TPX2: variants seen among roughly 807,000 people sequenced by gnomAD.
The protein encoded by TPX2 is targeting protein for Xklp2.
TPX2 carries 21 observed loss-of-function variants against 93.6 expected under a neutral mutation model. That is an observed-to-expected ratio of 0.22 (90% CI 0.16 to 0.32). TPX2 has a LOEUF of 0.32. TPX2 is among the 10% of genes least tolerant of loss of function. TPX2 has a pLI of 1.00. For missense variants in TPX2, 776 were observed against 871.1 expected (o/e 0.89, Z 1.37); for synonymous variants, 281 against 298.3 (o/e 0.94, Z 0.60).
chr20:31,776,018 A>T, intron 8 of TPX2, 30 bp downstream of exon 8: 1 of 1,211,138 alleles, frequency 8.3e-7, no homozygotes, highest in Non-Finnish European at 1.1e-6. Flanking sequence ...AGTCTGATTC[A>T]TGAGGGGTGG....
intron 2 of TPX2, among the ~76,000 whole-genome samples, chr20:31,747,603 G>C (rs2061792100): frequency 6.6e-6 from 1 of 151,978 alleles, no homozygotes; most frequent in Admixed American, 6.6e-5. Flanking sequence ...TTTTTCCTTG[G>C]GTCTTTGTAG....
intron 5 of TPX2, among the ~76,000 whole-genome samples, chr20:31,767,174 TTA>T (rs2123013315): frequency 6.6e-6 from 1 of 152,278 alleles, no homozygotes; most frequent in African/African-American, 2.4e-5. Flanking sequence ...TGTATAACAT[TTA>T]TGAGTTGTAG....
chr20:31,777,452 T>G, intron 8 of TPX2, 35 bp from the exon 9 acceptor site: 1 of 1,601,626 alleles, frequency 6.2e-7, no homozygotes, highest in Non-Finnish European at 8.5e-7. Flanking sequence ...CCTATCTTAA[T>G]GTTGTCTGTA....
At chr20:31,779,771 G>A (rs529018544) in intron 10 of TPX2, among the ~76,000 whole-genome samples, 4 of 152,218 alleles carry the variant, frequency 2.6e-5, no homozygotes, top group Non-Finnish European at 5.9e-5. Flanking sequence ...GGGATACTTA[G>A]CACAGGTGGA....
intron 2 of TPX2, among the ~76,000 whole-genome samples, chr20:31,747,250 A>C (rs1012441113): frequency 6.6e-6 from 1 of 152,104 alleles, no homozygotes; most frequent in Non-Finnish European, 1.5e-5. Flanking sequence ...CCTCCCGAGT[A>C]GCTGGGATTA....
intron 4 of TPX2, among the ~76,000 whole-genome samples, chr20:31,765,252 G>A (rs1236978091): frequency 1.4e-5 from 2 of 139,198 alleles, no homozygotes; most frequent in African/African-American, 2.7e-5. Flanking sequence ...GAGGCCAGGA[G>A]TTTGAGACCA....
At chr20:31,743,763 G>C (rs900996419) in intron 2 of TPX2, among the ~76,000 whole-genome samples, 1 of 138,200 alleles carries the variant, frequency 7.2e-6, no homozygotes, top group Non-Finnish European at 1.5e-5. Flanking sequence ...TTTCGCTCTT[G>C]TTGCCCAGGC....
chr20:31,744,441 G>A (rs2061772192), intron 2 of TPX2, among the ~76,000 whole-genome samples: 1 of 151,972 alleles, frequency 6.6e-6, no homozygotes, highest in Non-Finnish European at 1.5e-5. Context: ...TGAGGCTTGA[G>A]CCACCACGCC....
intron 2 of TPX2, among the ~76,000 whole-genome samples, chr20:31,744,774 A>C (rs539228491): frequency 6.6e-6 from 1 of 152,236 alleles, no homozygotes; most frequent in Non-Finnish European, 1.5e-5. Flanking sequence ...TTACCAGTGA[A>C]ATTGCTGGTC....
At chr20:31,770,712 T>G (rs2061960055) in intron 6 of TPX2, among the ~76,000 whole-genome samples, 1 of 152,198 alleles carries the variant, frequency 6.6e-6, no homozygotes, top group Non-Finnish European at 1.5e-5. Flanking sequence ...GTTTTACCTC[T>G]TTTTGTTTTT....
intron 2 of TPX2, among the ~76,000 whole-genome samples, chr20:31,744,243 AC>A: frequency 6.9e-6 from 1 of 145,242 alleles, no homozygotes; most frequent in South Asian, 2.2e-4. Context: ...GCTCAATGCA[AC>A]CTCCGCCTCC....
chr20:31,755,384 A>G (rs2061845645), intron 2 of TPX2, among the ~76,000 whole-genome samples: 1 of 152,072 alleles, frequency 6.6e-6, no homozygotes. Flanking sequence ...GCGCCACACT[A>G]GAAAGGTATT....
At position 31,760,178 on chromosome 20, in the gene TPX2, A is replaced by G; in HGVS notation, c.228A>G (p.Pro76=). The change falls in exon 4 of 18, where the codon CCA becomes CCG. Residue 76 remains proline (P), a splice_region_variant and synonymous_variant. Coordinates refer to ENST00000300403, the MANE Select transcript of TPX2 (RefSeq NM_012112.5). ...AAGCTATTGTCACACCTTTGAAACCAGGTAAGAAAACATCTTAGAAAAAAG... is the reference window on the plus strand; with the variant it reads ...AAGCTATTGTCACACCTTTGAAACCGGGTAAGAAAACATCTTAGAAAAAAG... ...LQQAIVTPLK[P]VDNTYYKEAE... is the part of the protein sequence containing the mutation. 1 of 1,613,488 alleles carries G rather than the reference A, an allele frequency of 6.2e-7. No homozygotes were observed. The highest frequency in any genetic ancestry group is 8.5e-7 in the Non-Finnish European group (1 of 1,179,762).
At chr20:31,795,103 G>C (rs2062129094) in intron 15 of TPX2, among the ~76,000 whole-genome samples, 1 of 151,924 alleles carries the variant, frequency 6.6e-6, no homozygotes, top group African/African-American at 2.4e-5. Flanking sequence ...TTACAGGTGT[G>C]AGCCACCACA....
chr20:31,782,213 C>T lies in TPX2; in HGVS notation c.1055-36C>T, dbSNP rs143402907. 145 of 1,577,108 alleles carry T rather than the reference C, an allele frequency of 9.2e-5. No individual in the cohort carries two copies. In the East Asian group the frequency reaches 2.4e-3, roughly 26 times the overall value. On this transcript the variant is annotated intron_variant, in intron 10 of 17. Coordinates refer to ENST00000300403, the MANE Select transcript of TPX2 (RefSeq NM_012112.5). ...CCACTTACAAGTAAACTGGGTCTTG[C>T]GGATCTAGATGAACATCTGTCATCT... is the stretch of plus-strand genomic sequence containing the variant.
intron 2 of TPX2, among the ~76,000 whole-genome samples, chr20:31,757,153 G>GT (rs2061857164): frequency 6.6e-6 from 1 of 151,582 alleles, no homozygotes; most frequent in Non-Finnish European, 1.5e-5. Flanking sequence ...GTCTCATGTG[G>GT]TCCTCCCTCC....
chr20:31,774,382 A>T (rs1254653255), intron 7 of TPX2, among the ~76,000 whole-genome samples: 2 of 152,004 alleles, frequency 1.3e-5, no homozygotes, highest in Non-Finnish European at 2.9e-5. Context: ...ACATTTTTCC[A>T]TATTTCCTCT....
At chr20:31,741,443 C>G (rs1031619944) in intron 1 of TPX2, among the ~76,000 whole-genome samples, 6 of 151,820 alleles carry the variant, frequency 4.0e-5, no homozygotes, top group Non-Finnish European at 7.4e-5. Context: ...TCTTGAGTAG[C>G]TGGGATTATA....
chr20:31,768,780 A>G (rs527265833), intron 5 of TPX2, among the ~76,000 whole-genome samples: 4 of 152,380 alleles, frequency 2.6e-5, no homozygotes, highest in African/African-American at 9.6e-5. Flanking sequence ...AAAACAGGCA[A>G]ACGACTTAAA....
Sources: gnomAD v4.1 joint callset for allele counts (sites outside exome capture counted in the v4.1 genomes callset) on GRCh38, gnomAD v4.1.1 for gene constraint, MANE v1.5 for transcripts, NCBI Gene and HGNC (gene_info 2026-07-23, HGNC 2026-07-21) for gene names.